PTK2B: variants seen among roughly 807,000 people sequenced by gnomAD.
The protein encoded by PTK2B is protein tyrosine kinase 2 beta, also known as protein-tyrosine kinase 2-beta.
PTK2B carries 71 observed loss-of-function variants against 142.9 expected under a neutral mutation model. That is an observed-to-expected ratio of 0.50 (90% CI 0.41 to 0.61). PTK2B has a LOEUF of 0.61. Ranked by LOEUF, PTK2B falls within the 20% of genes least tolerant of loss-of-function variation. PTK2B has a pLI of 0.00. For missense variants in PTK2B, 1,105 were observed against 1,320.4 expected (o/e 0.84, Z 2.53); for synonymous variants, 519 against 503.4 (o/e 1.03, Z -0.42).
chr8:27,411,978 T>G (rs768760606), intron 2 of PTK2B, among the ~76,000 whole-genome samples: 1 of 152,136 alleles, frequency 6.6e-6, no homozygotes, highest in Non-Finnish European at 1.5e-5. Context: ...TTTTATCATA[T>G]AAATGAGAGC....
intron 1 of PTK2B, among the ~76,000 whole-genome samples, chr8:27,347,529 AG>A (rs57735330): frequency 0.38 from 58,264 of 151,948 alleles, 11,574 homozygotes; most frequent in South Asian, 0.52. Flanking sequence ...GTTTCTTCTG[AG>A]GCCTCTCTAT....
At chr8:27,403,589 T>C (rs1808508749) in intron 2 of PTK2B, among the ~76,000 whole-genome samples, 1 of 152,212 alleles carries the variant, frequency 6.6e-6, no homozygotes, top group Non-Finnish European at 1.5e-5. Context: ...TGTGTTTGTT[T>C]AGGAGCTCTG....
intron 24 of PTK2B, among the ~76,000 whole-genome samples, chr8:27,447,972 C>T (rs1811571723): frequency 6.6e-6 from 1 of 152,380 alleles, no homozygotes; most frequent in Admixed American, 6.5e-5. Context: ...TTTCAAAGCG[C>T]TTACAGTCGA....
chr8:27,397,484 G>A, intron 1 of PTK2B, 64 bp from the exon 2 acceptor site: 1 of 1,269,162 alleles, frequency 7.9e-7, no homozygotes, highest in South Asian at 1.3e-5. Context: ...GCTGTCCCTG[G>A]GGCCATGAGG....
chr8:27,444,384 G>A, intron 23 of PTK2B, 113 bp downstream of exon 23: 3 of 1,211,346 alleles, frequency 2.5e-6, no homozygotes, highest in South Asian at 1.3e-5. Context: ...GATGGAGATG[G>A]CCTAGGTTGA....
chr8:27,431,537 C>T (rs1810427531), intron 9 of PTK2B, 65 bp downstream of exon 9: 2 of 1,590,540 alleles, frequency 1.3e-6, no homozygotes, highest in Non-Finnish European at 1.7e-6. Context: ...TCTGCTGCCT[C>T]CCGCCCTGTC....
intron 30 of PTK2B, 128 bp downstream of exon 30, chr8:27,454,739 C>T (rs1812044036): frequency 1.0e-6 from 1 of 962,438 alleles, no homozygotes; most frequent in Non-Finnish European, 1.6e-6. Context: ...CAGGTGGGTT[C>T]TATGTGGCTT....
At chr8:27,311,752 A>C (rs1364336457) in intron 1 of PTK2B, 1 of 155,160 alleles carries the variant, frequency 6.4e-6, no homozygotes, top group Admixed American at 6.5e-5. Flanking sequence ...CTTTTTGAGG[A>C]CCTATGCCAC....
chr8:27,412,206 A>G (rs1276819776), intron 2 of PTK2B, among the ~76,000 whole-genome samples: 1 of 152,122 alleles, frequency 6.6e-6, no homozygotes, highest in Non-Finnish European at 1.5e-5. Flanking sequence ...ACATAATTGG[A>G]CTCAATCTCC....
At chr8:27,385,614 C>T (rs1012056013) in intron 1 of PTK2B, among the ~76,000 whole-genome samples, 6 of 152,212 alleles carry the variant, frequency 3.9e-5, no homozygotes, top group South Asian at 2.1e-4. Context: ...GTATCAGGGC[C>T]GGGCGCGATG....
At chr8:27,385,922 G>A (rs1014811969) in intron 1 of PTK2B, among the ~76,000 whole-genome samples, 11 of 148,286 alleles carry the variant, frequency 7.4e-5, no homozygotes, top group African/African-American at 2.0e-4. Context: ...GACAGTATCC[G>A]AGGAGGAGAT....
At chr8:27,377,712 AT>A (rs1333531527) in intron 1 of PTK2B, among the ~76,000 whole-genome samples, 1 of 152,156 alleles carries the variant, frequency 6.6e-6, no homozygotes, top group Non-Finnish European at 1.5e-5. Flanking sequence ...ACGGGAGGGT[AT>A]TTTTACTGAA....
intron 1 of PTK2B, among the ~76,000 whole-genome samples, chr8:27,369,277 A>G (rs1272774208): frequency 6.6e-6 from 1 of 152,052 alleles, no homozygotes; most frequent in Admixed American, 6.5e-5. Context: ...ACTGGCATGT[A>G]GGGGGACCTG....
intron 5 of PTK2B, among the ~76,000 whole-genome samples, chr8:27,422,788 A>G (rs1259954656): frequency 6.6e-6 from 1 of 152,206 alleles, no homozygotes; most frequent in Non-Finnish European, 1.5e-5. Context: ...TCCAGTAGGC[A>G]CTTGATCAAT....
intron 2 of PTK2B, among the ~76,000 whole-genome samples, chr8:27,409,637 A>G (rs1466896712): frequency 6.6e-6 from 1 of 152,138 alleles, no homozygotes; most frequent in African/African-American, 2.4e-5. Flanking sequence ...AAAATGAGGA[A>G]CCAATGAGAG....
chr8:27,436,852 G>C (rs374449386), intron 15 of PTK2B, among the ~76,000 whole-genome samples: 2 of 152,188 alleles, frequency 1.3e-5, no homozygotes, highest in Admixed American at 1.3e-4. Context: ...CAGGTCACAC[G>C]GCCCCTCAGT....
intron 1 of PTK2B, among the ~76,000 whole-genome samples, chr8:27,381,068 CATA>C (rs1806986983): frequency 6.6e-6 from 1 of 152,036 alleles, no homozygotes; most frequent in East Asian, 1.9e-4. Flanking sequence ...TAAATTTATG[CATA>C]ATAACTGTAC....
intron 1 of PTK2B, among the ~76,000 whole-genome samples, chr8:27,346,831 T>C (rs911478951): frequency 6.6e-6 from 1 of 152,226 alleles, no homozygotes; most frequent in African/African-American, 2.4e-5. Context: ...GGAAAGTTCT[T>C]TCTTTCACTG....
At position 27,458,390 on chromosome 8, in the gene PTK2B, G is replaced by C; in HGVS notation, c.2911G>C (p.Glu971Gln). 6.2e-7 allele frequency: 1 copy of C among 1,613,530 alleles called. No individual in the cohort carries two copies. The highest frequency in any genetic ancestry group is 1.1e-5 in the South Asian group (1 of 90,902). Residue 971 changes from glutamate (E) to glutamine (Q), a missense_variant, in exon 31 of 31, where the codon GAG (glutamate) becomes CAG (glutamine). Physicochemically the swap from Glu to Gln is conservative, Grantham distance 29 (BLOSUM62 2). Transcript: ENST00000346049. ...QQNAVTSLSE[E>Q]CKRQMLTASH... ...GAACGCCGTGACCTCCCTAAGTGAG[G>C]AGTGCAAGAGGCAGATGCTGACGGC...
Sources: gnomAD v4.1 joint callset for allele counts (sites outside exome capture counted in the v4.1 genomes callset) on GRCh38, gnomAD v4.1.1 for gene constraint, MANE v1.5 for transcripts, NCBI Gene and HGNC (gene_info 2026-07-23, HGNC 2026-07-21) for gene names.